GPR55: variants seen among roughly 807,000 people sequenced by gnomAD.
GPR55 encodes G-protein coupled receptor 55.
GPR55 carries 6 observed loss-of-function variants against 7.9 expected under a neutral mutation model. The ratio of observed to expected loss-of-function variants is 0.76; its 90% confidence interval spans 0.41 to 1.49. The LOEUF (loss-of-function observed/expected upper bound fraction) is 1.49, where lower values mean the gene tolerates loss of function less well. Ranked by LOEUF, GPR55 falls within the 40% of genes most tolerant of loss-of-function variation. GPR55 has a pLI of 0.01. For synonymous variants in GPR55, 183 were observed against 166.8 expected (o/e 1.10, Z -0.75); for missense variants, 376 against 406.0 (o/e 0.93, Z 0.63).
chr2:230,908,190 C>A lies in GPR55; in HGVS notation c.*1813G>T, dbSNP rs73992968. 7,548 of 152,710 alleles carry A rather than the reference C, an allele frequency of 0.049. 277 individuals carry two copies. The highest frequency in any genetic ancestry group is 0.096 in the African/African-American group (3,970 of 41,528). 9.5% of individuals were successfully genotyped at this position (152,710 alleles called of 1,614,324 possible). A position where few individuals can be genotyped will look rare whatever the true frequency, so the allele number is the denominator to read the frequency against. On this transcript the variant is annotated 3_prime_UTR_variant, in exon 2 of 2. Coordinates refer to ENST00000650999, the MANE Select transcript of GPR55 (RefSeq NM_005683.4). Reference sequence around the variant, plus strand: ...CTCTGTGGCTGTGGTTCTTAGAGGCCCAGCTCAGGGGGCCTGAGCCTCCGA... The same window carrying A: ...CTCTGTGGCTGTGGTTCTTAGAGGCACAGCTCAGGGGGCCTGAGCCTCCGA...
intron 1 of GPR55, among the ~76,000 whole-genome samples, chr2:230,945,931 G>A (rs548697111): frequency 8.5e-5 from 13 of 152,280 alleles, no homozygotes; most frequent in African/African-American, 3.1e-4. Flanking sequence ...ATTAAAAAGT[G>A]TCCTTTTTAT....
In GPR55 at chr2:230,910,019, G is replaced by A. The variant is rs752615174; in HGVS notation, c.944C>T (p.Thr315Met). 2.2e-5 allele frequency: 36 copies of A among 1,613,214 alleles called. No individual in the cohort carries two copies. The Admixed American group carries it at 2.7e-4, about 12-fold the overall frequency. The change falls in exon 2 of 2, where the codon ACG becomes ATG. Residue 315 changes from threonine to methionine, a missense_variant. Transcript: ENST00000650999. This position sits in a 1 kb window ranked among gnomAD's most constrained non-coding sequence, Gnocchi z 5.4. ...GTCCTTCCGTTAGCCCCGGGAGATC[G>A]TGGTGTCCTGCAGGACCAGCTGGAC... ...SRVQLVLQDT[T>M]ISRG is the part of the protein sequence containing the mutation.
intron 1 of GPR55, among the ~76,000 whole-genome samples, chr2:230,950,050 G>A (rs1401495767): frequency 1.3e-5 from 2 of 152,202 alleles, no homozygotes; most frequent in Non-Finnish European, 2.9e-5. Flanking sequence ...TGGCCAGGCT[G>A]AACGCCTGAC....
At position 230,908,786 on chromosome 2, in the gene GPR55, C is replaced by A. The variant is rs780203322; in HGVS notation, c.*1217G>T. 1 of 152,382 alleles carries A rather than the reference C, an allele frequency of 6.6e-6. No homozygotes were observed. The highest frequency in any genetic ancestry group is 1.5e-5 in the Non-Finnish European group (1 of 68,138). The allele number at this position is 152,382 out of a possible 1,614,324, so 9.4% of individuals were successfully genotyped here. On this transcript the variant is annotated 3_prime_UTR_variant, in exon 2 of 2. Transcript: ENST00000650999. The stretch of plus-strand genomic sequence containing the variant: ...AGCAGCTGAGTCATTGGGAGGCTTC[C>A]GCTGTCACTTGCACTCCTCCTCCAG...
chr2:230,939,702 G>A lies in GPR55; in HGVS notation c.-135+21073C>T, dbSNP rs962017605. Among the ~76,000 whole-genome samples, 45 of 152,290 alleles carry A rather than the reference G, an allele frequency of 3.0e-4. 1 individual carries two copies. Among genetic ancestry groups the A allele is most frequent in the South Asian group, 4.1e-4 (2 of 4,824 alleles). ...CACTGGAGAAGGGGGAGAGCCTGGC[G>A]TGCAGGCCAGTGCTTGCTCTAAAGG... On this transcript the variant is annotated intron_variant, in intron 1 of 1. Coordinates refer to the GPR55 transcript ENST00000392039.
chr2:230,939,586 T>C (rs1301986810), intron 1 of GPR55, among the ~76,000 whole-genome samples: 1 of 152,122 alleles, frequency 6.6e-6, no homozygotes, highest in Non-Finnish European at 1.5e-5. Flanking sequence ...GGGAGTCTTC[T>C]AGAGCACCTG....
chr2:230,912,929 C>T (rs985741839), intron 1 of GPR55, among the ~76,000 whole-genome samples: 2 of 152,234 alleles, frequency 1.3e-5, no homozygotes, highest in Non-Finnish European at 2.9e-5. Flanking sequence ...CAGCTTCTTG[C>T]ATATTCCTCC....
intron 1 of GPR55, among the ~76,000 whole-genome samples, chr2:230,911,763 A>G (rs1559169655): frequency 6.6e-6 from 1 of 152,146 alleles, no homozygotes; most frequent in Non-Finnish European, 1.5e-5. Context: ...GAAGGAATGG[A>G]GCGGGGCCCT....
chr2:230,928,825 T>C (rs1329340776), upstream of GPR55, among the ~76,000 whole-genome samples: 1 of 152,094 alleles, frequency 6.6e-6, no homozygotes, highest in Admixed American at 6.5e-5. Context: ...GAGAGGAAGA[T>C]GAGCAGCACC....
In GPR55 at chr2:230,910,288, G is replaced by A. The variant is rs757742442; in HGVS notation, c.675C>T (p.Ile225=). 5 of 1,613,908 alleles carry A rather than the reference G, an allele frequency of 3.1e-6. No individual in the cohort carries two copies. Among genetic ancestry groups the A allele is most frequent in the South Asian group, 1.1e-5 (1 of 91,064 alleles). Residue 225 remains isoleucine (I), a synonymous_variant, in exon 2 of 2, where the codon ATC becomes ATT. Transcript: ENST00000650999. The surrounding 1 kb of genome is among the most constrained non-coding windows in gnomAD (Gnocchi z 5.4). ...CAGCCAGGCTGGCTGCGATGCTGTA[G>A]ATGCAGGCTTTCTGCTGCACCCAGT... ...TQDWVQQKAC[I]YSIAASLAVF... is the part of the protein sequence containing the mutation.
At chr2:230,925,533 C>CTT (rs1690927808), upstream of GPR55, among the ~76,000 whole-genome samples, 1 of 152,106 alleles carries the variant, frequency 6.6e-6, no homozygotes, top group Non-Finnish European at 1.5e-5. Flanking sequence ...ATGTGTCAAG[C>CTT]CCTGGGAAGC....
chr2:230,937,876 G>GATTTTACAAGCAT (rs1691157848), intron 1 of GPR55, among the ~76,000 whole-genome samples: 2 of 151,968 alleles, frequency 1.3e-5, no homozygotes, highest in Middle Eastern at 3.2e-3. Flanking sequence ...TCTAAAATTT[G>GATTTTACAAGCAT]GGGCACAGTG....
chr2:230,916,077 A>G (rs1348451807), intron 1 of GPR55, among the ~76,000 whole-genome samples: 1 of 152,024 alleles, frequency 6.6e-6, no homozygotes, highest in East Asian at 1.9e-4. Context: ...AAAAAAAAAA[A>G]CAGAAGAGAT....
chr2:230,940,888 G>A (rs534292956), intron 1 of GPR55, among the ~76,000 whole-genome samples: 123 of 152,300 alleles, frequency 8.1e-4, no homozygotes, highest in African/African-American at 2.8e-3. Flanking sequence ...AGGCCAAGGC[G>A]GGTGGATTGC....
At chr2:230,919,765 A>G (rs1316292832) in intron 1 of GPR55, among the ~76,000 whole-genome samples, 2 of 152,186 alleles carry the variant, frequency 1.3e-5, no homozygotes, top group Admixed American at 6.5e-5. Flanking sequence ...TCACTGTATT[A>G]CCACATTACT....
chr2:230,911,782 C>T (rs1375154730), intron 1 of GPR55, among the ~76,000 whole-genome samples: 2 of 152,086 alleles, frequency 1.3e-5, no homozygotes, highest in Admixed American at 6.5e-5. Context: ...CTGAGGTCTC[C>T]ACAGGGCAAG....
chr2:230,927,549 TC>T (rs1240159595), upstream of GPR55, among the ~76,000 whole-genome samples: 1 of 152,108 alleles, frequency 6.6e-6, no homozygotes, highest in Non-Finnish European at 1.5e-5. Flanking sequence ...CTGAAACTTC[TC>T]CCCCTAGTCC....
At chr2:230,930,368 T>C in intron 1 of GPR55, among the ~76,000 whole-genome samples, 1 of 152,194 alleles carries the variant, frequency 6.6e-6, no homozygotes, top group East Asian at 1.9e-4. Flanking sequence ...TCTTACGTGT[T>C]GAGTCTTTTC....
chr2:230,922,500 C>T (rs1341757252), intron 1 of GPR55, among the ~76,000 whole-genome samples: 2 of 152,080 alleles, frequency 1.3e-5, no homozygotes, highest in East Asian at 1.9e-4. Context: ...CTCAGCCCTC[C>T]GAGTAGCTGG....
Sources: gnomAD v4.1 joint callset for allele counts (sites outside exome capture counted in the v4.1 genomes callset) on GRCh38, gnomAD v4.1.1 for gene constraint, Gnocchi (gnomAD v3.1) non-coding constraint, MANE v1.5 for transcripts, NCBI Gene and HGNC (gene_info 2026-07-23, HGNC 2026-07-21) for gene names.